Variants in FLII observed in about 807,000 individuals in gnomAD.
The protein encoded by FLII is FLII actin remodeling protein, also known as protein flightless-1 homolog.
FLII carries 101 observed loss-of-function variants against 156.2 expected under a neutral mutation model. The observed-to-expected ratio is 0.65, with a 90% CI of 0.55 to 0.76. FLII has a LOEUF of 0.76. FLII is among the 30% of genes least tolerant of loss of function. The pLI is 0.00. For synonymous variants in FLII, 767 were observed against 685.8 expected, an observed-to-expected ratio of 1.12 and a Z score of -1.85; for missense variants, 1,675 against 1,682.8, an observed-to-expected ratio of 1.00 and a Z score of 0.08.
intron 1 of FLII, among the ~76,000 whole-genome samples, chr17:18,257,991 C>T (rs2048477357): frequency 6.6e-6 from 1 of 152,322 alleles, no homozygotes; most frequent in Admixed American, 6.5e-5. Flanking sequence ...GCTCCGGTCC[C>T]TTTTCTCTCA....
At position 18,247,068 on chromosome 17, in the gene FLII, A is replaced by T; in HGVS notation, c.2677-16T>A. The T allele has an allele frequency of 6.2e-7, 1 of 1,604,218 alleles. No individual in the cohort carries two copies. The highest frequency in any genetic ancestry group is 8.5e-7 in the Non-Finnish European group (1 of 1,178,760). ...GCTGCTCCGCCTGCAGGTGAGAGGG[A>T]CCCGCCCCGCGGCAGGTCTGAGCGC... On this transcript the variant is annotated splice_polypyrimidine_tract_variant and intron_variant, in intron 21 of 29. Transcript: ENST00000327031.
intron 23 of FLII, 28 bp downstream of exon 23, chr17:18,246,566 C>T: frequency 6.2e-7 from 1 of 1,613,028 alleles, no homozygotes; most frequent in South Asian, 1.1e-5. Context: ...TCCGCCTGGC[C>T]TCGGGCTCGC....
chr17:18,249,790 TAAAAC>T (rs2048202942), intron 14 of FLII, among the ~76,000 whole-genome samples: 1 of 133,570 alleles, frequency 7.5e-6, no homozygotes, highest in African/African-American at 2.8e-5. Flanking sequence ...AACTCTGTCT[TAAAAC>T]AAACAAACAA....
rs1158219484 is a variant in FLII at position 18,245,407 on chromosome 17, C to A, written c.3622G>T (p.Val1208Leu). Residue 1208 changes from valine to leucine, a missense_variant, in exon 29 of 30, where the codon GTG becomes TTG. Val to Leu is a conservative substitution (Grantham distance 32, BLOSUM62 1). Coordinates refer to ENST00000327031, the MANE Select transcript of FLII (RefSeq NM_002018.4). ...TCCACCTGGCTAGTCTGGGTCCCCA[C>A]CCACATGTAGACCTGTGGGGGCAGC... is the stretch of plus-strand genomic sequence containing the variant. ...LDNGQEVYMW[V>L]GTQTSQVEIK... The A allele has an allele frequency of 1.9e-6, 3 of 1,614,066 alleles. No homozygotes were observed. Among genetic ancestry groups the A allele is most frequent in the East Asian group, 2.2e-5 (1 of 44,886 alleles).
chr17:18,247,861 A>G lies in FLII; in HGVS notation c.2296-13T>C. ...GCAGACTCTGCAGCTGCGGACCGGG[A>G]GTCTGGAGGTCAAAGCCCAGCCAAC... On this transcript the variant is annotated splice_polypyrimidine_tract_variant and intron_variant, in intron 19 of 29. Transcript: ENST00000327031. 1.2e-6 allele frequency: 2 copies of G among 1,614,000 alleles called. No homozygotes were observed. The highest frequency in any genetic ancestry group is 1.7e-6 in the Non-Finnish European group (2 of 1,179,982).
rs745811607 is a variant in FLII at position 18,245,569 on chromosome 17, C to T, written c.3595G>A (p.Asp1199Asn). The T allele has an allele frequency of 1.2e-6, 2 of 1,613,882 alleles. No individual in the cohort carries two copies. The highest frequency in any genetic ancestry group is 1.6e-4 in the Middle Eastern group (1 of 6,062). ...DLADDDIMLL[D>N]NGQEVYMWVG... ...CAACATCACACCTCTTGGCCATTGT[C>T]TAGCAACATGATGTCATCATCTGCC... Residue 1199 changes from aspartate (D) to asparagine (N), a missense_variant, in exon 28 of 30, where the codon GAC becomes AAC. By Grantham distance (23) the Asp-to-Asn change is conservative. Around this residue, in one of 2 missense-constraint regions of FLII, gnomAD observed 1,332 missense variants for 1,269.3 expected, o/e 1.05. Coordinates refer to ENST00000327031, the MANE Select transcript of FLII (RefSeq NM_002018.4).
rs144041845 is a variant in FLII at position 18,245,775 on chromosome 17, C to T, written c.3472G>A (p.Ala1158Thr). 7.4e-5 allele frequency: 120 copies of T among 1,613,966 alleles called. No homozygotes were observed. The highest frequency in any genetic ancestry group is 9.8e-5 in the Non-Finnish European group (116 of 1,180,022). ...AGACGTGTGTGTTTCATGTACTCGG[C>T]ATCGTCATCATAGGGCTTCTGTGCC... ...IGAQKPYDDD[A>T]EYMKHTRLFR... The change falls in exon 27 of 30, where the codon GCC (alanine) becomes ACC (threonine). Residue 1158 changes from alanine (A) to threonine (T), a missense_variant. Ala to Thr is a moderately conservative substitution (Grantham distance 58, BLOSUM62 0). Transcript: ENST00000327031.
chr17:18,256,226 G>A (rs903731000), intron 3 of FLII, among the ~76,000 whole-genome samples: 3 of 152,234 alleles, frequency 2.0e-5, no homozygotes, highest in Non-Finnish European at 1.5e-5. Flanking sequence ...ACAGAATAGT[G>A]GGAACATTGC....
chr17:18,246,541 G>A, intron 23 of FLII, 53 bp downstream of exon 23: 1 of 1,611,336 alleles, frequency 6.2e-7, no homozygotes, highest in Non-Finnish European at 8.5e-7. Context: ...CTGGGTCTGA[G>A]CCCCACCACA....
At chr17:18,255,436 C>G (rs1335280480) in intron 3 of FLII, among the ~76,000 whole-genome samples, 173 bp from the exon 4 acceptor site, 1 of 152,150 alleles carries the variant, frequency 6.6e-6, no homozygotes, top group African/African-American at 2.4e-5. Flanking sequence ...CCTAGCCTCC[C>G]AGTGAGCTCC....
At chr17:18,254,417 T>A in intron 6 of FLII, 104 bp downstream of exon 6, 1 of 1,189,782 alleles carries the variant, frequency 8.4e-7, no homozygotes, top group Non-Finnish European at 1.2e-6. Context: ...CACGGAGGGA[T>A]GGCTGGGCCT....
At position 18,248,450 on chromosome 17, in the gene FLII, C is replaced by A. The variant is rs539682687; in HGVS notation, c.2190+100G>T. The A allele has an allele frequency of 1.6e-4, 186 of 1,159,524 alleles. No individual in the cohort carries two copies. In the South Asian group the frequency reaches 2.7e-3, roughly 17 times the overall value. The allele number at this position is 1,159,524 out of a possible 1,614,324, so 71.8% of individuals were successfully genotyped here. Reference sequence around the variant, plus strand: ...GGTGGCACCCTCTCCCCACCAAAGTCGAGATGGAGCCCAAAGCCAACTACA... The same window carrying A: ...GGTGGCACCCTCTCCCCACCAAAGTAGAGATGGAGCCCAAAGCCAACTACA... On this transcript the variant is annotated intron_variant, in intron 18 of 29. Transcript: ENST00000327031.
At chr17:18,245,526 G>A (rs1315212018) in intron 28 of FLII, 29 bp downstream of exon 28, 2 of 1,611,648 alleles carry the variant, frequency 1.2e-6, no homozygotes. Context: ...CGCCTCCTTG[G>A]ATGGGCAGGG....
At chr17:18,247,446 G>A in intron 20 of FLII, 89 bp from the exon 21 acceptor site, 3 of 1,318,726 alleles carry the variant, frequency 2.3e-6, no homozygotes, top group South Asian at 1.4e-5. Context: ...GGACCCAAGG[G>A]AGATCTAGGG....
In FLII at chr17:18,251,740, C is replaced by T. The variant is rs1597913422; in HGVS notation, c.1323G>A (p.Gln441=). The T allele has an allele frequency of 5.0e-6, 8 of 1,613,960 alleles. No individual in the cohort carries two copies. The East Asian group carries it at 1.6e-4, about 31-fold the overall frequency. ...ACATGCCCTTCAGCACCTGCTTGGC[C>T]TGGTCATCCTGGGCTGAATCCTTGC... is the stretch of plus-strand genomic sequence containing the variant. The part of the protein sequence containing the change: ...RRRKDSAQDD[Q]AKQVLKGMSD... The change falls in exon 12 of 30, where the codon CAG becomes CAA. Residue 441 remains glutamine, a synonymous_variant. Transcript: ENST00000327031.
In FLII at chr17:18,249,173, T is replaced by C; in HGVS notation, c.1888A>G (p.Ile630Val). The change falls in exon 16 of 30, where the codon ATC becomes GTC. Residue 630 changes from isoleucine (I) to valine (V), a missense_variant. Physicochemically the swap from Ile to Val is conservative, Grantham distance 29. Coordinates refer to ENST00000327031, the MANE Select transcript of FLII (RefSeq NM_002018.4). The part of the protein sequence containing the change: ...RMYRVYGKKN[I>V]KLEPVPLKGT... The stretch of plus-strand genomic sequence containing the variant: ...TTGAGGGGCACAGGCTCCAACTTGA[T>C]GTTCTTTTTCCCATACACACGATAC... 1 of 1,614,188 alleles carries C rather than the reference T, an allele frequency of 6.2e-7. No homozygotes were observed. Among genetic ancestry groups the C allele is most frequent in the Non-Finnish European group, 8.5e-7 (1 of 1,180,036 alleles).
chr17:18,254,149 C>T lies in FLII; in HGVS notation c.609G>A (p.Leu203=), dbSNP rs1314363238. The T allele has an allele frequency of 9.3e-6, 15 of 1,610,682 alleles. No individual in the cohort carries two copies. The highest frequency in any genetic ancestry group is 1.3e-5 in the African/African-American group (1 of 74,858). ...QLPAMTALQT[L]HLRSTQRTQS... ...GGGTGCGCTGGGTGCTCCGCAGGTG[C>T]AGGGTCTGCAGGGCCGTCATCGCTG... is the stretch of plus-strand genomic sequence containing the variant. The change falls in exon 7 of 30, where the codon CTG becomes CTA. Residue 203 remains leucine, a synonymous_variant. Transcript: ENST00000327031.
intron 2 of FLII, 52 bp downstream of exon 2, chr17:18,256,857 C>T: frequency 8.1e-7 from 1 of 1,233,746 alleles, no homozygotes; most frequent in African/African-American, 1.5e-5. Flanking sequence ...ACAGGCTCTG[C>T]CCACCTGGCT....
At position 18,254,772 on chromosome 17, in the gene FLII, T is replaced by C; in HGVS notation, c.410A>G (p.Asn137Ser). ...KNMLVLNLSH[N>S]SIDTIPNQLF... is the part of the protein sequence containing the mutation. ...CTGCCCCCCACTGGCCTGGCACCTG[T>C]TGTGGCTGAGGTTCAGCACCAGCAT... Residue 137 changes from asparagine to serine, a missense_variant, in exon 5 of 30, where the codon AAC (asparagine) becomes AGC (serine). Coordinates refer to ENST00000327031, the MANE Select transcript of FLII (RefSeq NM_002018.4). 1.2e-6 allele frequency: 2 copies of C among 1,614,030 alleles called. No individual in the cohort carries two copies.
Sources: gnomAD v4.1 joint callset for allele counts (sites outside exome capture counted in the v4.1 genomes callset) on GRCh38, gnomAD v4.1.1 for gene constraint, gnomAD v4.1.1 regional missense constraint, MANE v1.5 for transcripts, NCBI Gene and HGNC (gene_info 2026-07-23, HGNC 2026-07-21) for gene names.